The following BMPR1B variants were observed in gnomAD, a reference collection of about 807,000 sequenced individuals.
BMPR1B encodes bone morphogenetic protein receptor type 1B.
A neutral mutation model predicts 59.1 loss-of-function variants in BMPR1B; 12 were observed. The observed-to-expected ratio is 0.20, with a 90% CI of 0.13 to 0.33. The LOEUF (loss-of-function observed/expected upper bound fraction) is 0.33. BMPR1B is among the 10% of genes least tolerant of loss of function. BMPR1B has a pLI of 1.00. For missense variants in BMPR1B, 550 were observed against 610.9 expected, an observed-to-expected ratio of 0.90 and a Z score of 1.05; for synonymous variants, 237 against 207.3, an observed-to-expected ratio of 1.14 and a Z score of -1.23.
At chr4:95,099,014 C>T (rs1349769287) in intron 3 of BMPR1B, among the ~76,000 whole-genome samples, 1 of 152,176 alleles carries the variant, frequency 6.6e-6, no homozygotes, top group Non-Finnish European at 1.5e-5. Flanking sequence ...CCGCACCCGG[C>T]CATCAATTAT....
At chr4:95,077,511 C>G (rs762932755) in intron 3 of BMPR1B, among the ~76,000 whole-genome samples, 108 of 152,110 alleles carry the variant, frequency 7.1e-4, no homozygotes, top group Admixed American at 1.4e-3. Flanking sequence ...TTGAGGCATA[C>G]CAAGCACAAA....
intron 9 of BMPR1B, among the ~76,000 whole-genome samples, chr4:95,130,699 G>GT (rs1209590676): frequency 4.4e-5 from 6 of 137,638 alleles, no homozygotes; most frequent in Admixed American, 1.4e-4. Context: ...ACTCCTACAG[G>GT]TTTTTTTCTT....
At chr4:94,870,882 A>T (rs1050805777) in intron 1 of BMPR1B, among the ~76,000 whole-genome samples, 1 of 152,112 alleles carries the variant, frequency 6.6e-6, no homozygotes, top group Non-Finnish European at 1.5e-5. Context: ...AGGCTCTTAA[A>T]CAATTATGGA....
At chr4:95,090,168 TA>T (rs1424217258) in intron 3 of BMPR1B, among the ~76,000 whole-genome samples, 2 of 152,064 alleles carry the variant, frequency 1.3e-5, no homozygotes, top group Admixed American at 1.3e-4. Context: ...ATCCTATGCA[TA>T]TTTTTTTCTA....
chr4:95,105,143 A>G (rs1021113909), intron 4 of BMPR1B, among the ~76,000 whole-genome samples: 3 of 152,064 alleles, frequency 2.0e-5, no homozygotes, highest in East Asian at 1.9e-4. Flanking sequence ...AAACTGAACT[A>G]TTTTGCCTTT....
At chr4:95,096,803 A>AATATATAAATATAAATATATTTATATTT (rs1300280878) in intron 3 of BMPR1B, among the ~76,000 whole-genome samples, 6 of 140,920 alleles carry the variant, frequency 4.3e-5, no homozygotes, top group South Asian at 4.3e-4. Flanking sequence ...CTATATATAG[A>AATATATAAATATAAATATATTTATATTT]ATATATAAAT....
At chr4:95,105,621 C>A (rs1731148212) in intron 4 of BMPR1B, among the ~76,000 whole-genome samples, 1 of 151,860 alleles carries the variant, frequency 6.6e-6, no homozygotes, top group African/African-American at 2.4e-5. Flanking sequence ...GGAGGGAAAC[C>A]TGGGTGTATT....
chr4:94,985,417 G>A (rs1326010391), intron 2 of BMPR1B, among the ~76,000 whole-genome samples: 1 of 152,066 alleles, frequency 6.6e-6, no homozygotes, highest in African/African-American at 2.4e-5. Context: ...TTGGAAATAG[G>A]GGAGAGCAGA....
chr4:94,922,198 C>T (rs1728715618), intron 2 of BMPR1B, among the ~76,000 whole-genome samples: 1 of 152,178 alleles, frequency 6.6e-6, no homozygotes, highest in East Asian at 1.9e-4. Flanking sequence ...TGGTATTGAA[C>T]TCCTGGGCTC....
At chr4:95,152,548 T>TA in intron 11 of BMPR1B, 95 bp from the exon 12 acceptor site, 1 of 1,156,226 alleles carries the variant, frequency 8.6e-7, no homozygotes, top group Non-Finnish European at 1.2e-6. Flanking sequence ...TCTGTAATAC[T>TA]GATAGCACTT....
intron 9 of BMPR1B, among the ~76,000 whole-genome samples, chr4:95,130,944 G>T (rs1733305080): frequency 6.6e-6 from 1 of 151,634 alleles, no homozygotes; most frequent in Non-Finnish European, 1.5e-5. Flanking sequence ...TGACCAGAGT[G>T]GTCTTGAACT....
intron 1 of BMPR1B, among the ~76,000 whole-genome samples, chr4:94,783,268 G>T (rs1722648257): frequency 6.6e-6 from 1 of 152,148 alleles, no homozygotes; most frequent in South Asian, 2.1e-4. Context: ...GGTAGTTTTT[G>T]AGGCCGGTGT....
intron 3 of BMPR1B, chr4:95,051,668 A>G (rs1726510887): frequency 6.5e-7 from 1 of 1,531,386 alleles, no homozygotes; most frequent in South Asian, 1.2e-5. Context: ...AGGCTTAAAC[A>G]GGCAGGGCAC....
rs146397526 is a variant in BMPR1B at position 94,868,395 on chromosome 4, T to C, written c.-182-7436T>C. ...CCATATTGACAGGCTGGTCTTGAAC[T>C]CCTGACCTCAAATGGTCCACCCACC... On this transcript the variant is annotated intron_variant, in intron 1 of 12. Coordinates refer to ENST00000515059, the MANE Select transcript of BMPR1B (RefSeq NM_001203.3). Among the ~76,000 whole-genome samples, 1,422 of 152,214 alleles carry C rather than the reference T, an allele frequency of 9.3e-3. 19 individuals carry two copies. Among genetic ancestry groups the C allele is most frequent in the African/African-American group, 0.032 (1,315 of 41,518 alleles).
At chr4:95,059,083 C>T (rs1214320627) in intron 3 of BMPR1B, among the ~76,000 whole-genome samples, 2 of 152,108 alleles carry the variant, frequency 1.3e-5, no homozygotes, top group Non-Finnish European at 2.9e-5. Context: ...AGGAAATGTG[C>T]ACCAGCTCTT....
intron 3 of BMPR1B, among the ~76,000 whole-genome samples, chr4:95,010,197 G>A (rs566684944): frequency 1.3e-5 from 2 of 152,238 alleles, no homozygotes; most frequent in East Asian, 3.9e-4. Context: ...CCTTGTGTAA[G>A]TACAATAATC....
chr4:94,998,350 T>C (rs2149105768), intron 3 of BMPR1B, among the ~76,000 whole-genome samples: 1 of 149,908 alleles, frequency 6.7e-6, no homozygotes, highest in East Asian at 2.0e-4. Context: ...TTTGTTCTAC[T>C]AGTAGTCCAG....
At chr4:95,034,204 A>G (rs1302165782) in intron 3 of BMPR1B, among the ~76,000 whole-genome samples, 1 of 152,166 alleles carries the variant, frequency 6.6e-6, no homozygotes, top group East Asian at 1.9e-4. Context: ...TAGCATATAT[A>G]CACACTTAGT....
At chr4:95,027,748 G>T (rs1724525422) in intron 3 of BMPR1B, among the ~76,000 whole-genome samples, 1 of 152,122 alleles carries the variant, frequency 6.6e-6, no homozygotes, top group African/African-American at 2.4e-5. Context: ...ATAATTAAAT[G>T]AGTAGATGAA....
Sources: gnomAD v4.1 joint callset for allele counts (sites outside exome capture counted in the v4.1 genomes callset) on GRCh38, gnomAD v4.1.1 for gene constraint, MANE v1.5 for transcripts, NCBI Gene and HGNC (gene_info 2026-07-23, HGNC 2026-07-21) for gene names.